MAGI1: variants seen among roughly 807,000 people sequenced by gnomAD.
MAGI1 encodes the protein membrane-associated guanylate kinase, WW and PDZ domain-containing protein 1.
Under a neutral mutation model 139.9 loss-of-function variants are expected in MAGI1, and 58 were observed. That is an observed-to-expected ratio of 0.41 (90% confidence interval 0.34 to 0.52). MAGI1 has a LOEUF of 0.52. Among genes scored for constraint, MAGI1 ranks in the 20% least tolerant of loss-of-function variants. The pLI is 0.12. For synonymous variants in MAGI1, 812 were observed against 737.9 expected (o/e 1.10, Z -1.63); for missense variants, 1,874 against 1,901.6 (o/e 0.99, Z 0.27).
chr3:66,035,399 A>G (rs545395440), intron 1 of MAGI1, among the ~76,000 whole-genome samples: 1 of 152,336 alleles, frequency 6.6e-6, no homozygotes, highest in South Asian at 2.1e-4. Flanking sequence ...CCATATACCA[A>G]GTATGAGCCT....
In MAGI1 at chr3:65,430,739, G is replaced by C; in HGVS notation, c.1506C>G (p.Val502=). Reference sequence around the variant, plus strand: ...CATCCAATGCAGCAGGACCATCTAGGACCAAGCTCTTGATCTGGAGAAACT... The same window carrying C: ...CATCCAATGCAGCAGGACCATCTAGCACCAAGCTCTTGATCTGGAGAAACT... ...PDEFLQIKSL[V]LDGPAALDGK... is the part of the protein sequence containing the mutation. The change falls in exon 11 of 23, where the codon GTC becomes GTG. Residue 502 remains valine, a synonymous_variant. Coordinates refer to ENST00000402939, the MANE Select transcript of MAGI1 (RefSeq NM_001033057.2). The C allele has an allele frequency of 6.2e-7, 1 of 1,613,540 alleles. No individual in the cohort carries two copies. The highest frequency in any genetic ancestry group is 8.5e-7 in the Non-Finnish European group (1 of 1,179,744).
At chr3:65,431,029 T>C (rs146684094) in intron 10 of MAGI1, 148 bp from the exon 11 acceptor site, 6 of 747,264 alleles carry the variant, frequency 8.0e-6, no homozygotes, top group Admixed American at 5.5e-5. Context: ...CTCTCTTAAT[T>C]TGAGGAATAA....
At chr3:65,365,864 T>C (rs1941373805) in intron 18 of MAGI1, among the ~76,000 whole-genome samples, 2 of 152,200 alleles carry the variant, frequency 1.3e-5, no homozygotes, top group African/African-American at 4.8e-5. Flanking sequence ...TGTTAACTAT[T>C]CCAAACTGAG....
chr3:65,593,026 T>C (rs1328733786), intron 2 of MAGI1, among the ~76,000 whole-genome samples: 1 of 152,116 alleles, frequency 6.6e-6, no homozygotes, highest in African/African-American at 2.4e-5. Context: ...TCAAATATTA[T>C]AAGTTATTCT....
intron 1 of MAGI1, among the ~76,000 whole-genome samples, chr3:65,672,210 A>G (rs1356656026): frequency 6.6e-6 from 1 of 152,228 alleles, no homozygotes; most frequent in African/African-American, 2.4e-5. Context: ...TCATTTAAGA[A>G]GCAAAATGCA....
chr3:65,695,446 C>A (rs1324995403), intron 1 of MAGI1, among the ~76,000 whole-genome samples: 2 of 152,198 alleles, frequency 1.3e-5, no homozygotes, highest in African/African-American at 4.8e-5. Flanking sequence ...GTCCTCCTAG[C>A]TCCAGGGACC....
intron 1 of MAGI1, among the ~76,000 whole-genome samples, chr3:65,716,310 C>T (rs1232644963): frequency 6.6e-6 from 1 of 152,184 alleles, no homozygotes; most frequent in Admixed American, 6.5e-5. Context: ...TTAGAAAACA[C>T]ACAGACCTCA....
At chr3:65,602,596 A>T (rs1374095625) in intron 2 of MAGI1, among the ~76,000 whole-genome samples, 2 of 152,178 alleles carry the variant, frequency 1.3e-5, no homozygotes, top group Non-Finnish European at 2.9e-5. Context: ...TCGGGGTGAT[A>T]AAAACATTCT....
chr3:65,602,625 T>C (rs1423623409), intron 2 of MAGI1, among the ~76,000 whole-genome samples: 1 of 152,146 alleles, frequency 6.6e-6, no homozygotes, highest in Admixed American at 6.5e-5. Context: ...GTGGTGACAG[T>C]TGTACACCTT....
chr3:65,745,672 A>G (rs937015647), intron 1 of MAGI1, among the ~76,000 whole-genome samples: 1 of 152,228 alleles, frequency 6.6e-6, no homozygotes, highest in African/African-American at 2.4e-5. Context: ...CATATGTTTA[A>G]TCAATTATTT....
intron 1 of MAGI1, among the ~76,000 whole-genome samples, chr3:65,789,230 G>A (rs2039597358): frequency 6.6e-6 from 1 of 152,112 alleles, no homozygotes; most frequent in African/African-American, 2.4e-5. Flanking sequence ...AAAATGTCCA[G>A]TCAGTGGGGA....
chr3:65,468,030 C>T (rs113530799), intron 5 of MAGI1, among the ~76,000 whole-genome samples: 2 of 152,264 alleles, frequency 1.3e-5, no homozygotes, highest in African/African-American at 4.8e-5. Context: ...CTAATTCTTA[C>T]AACAGTCTGA....
At chr3:65,431,040 G>C (rs1173187436) in intron 10 of MAGI1, among the ~76,000 whole-genome samples, 159 bp from the exon 11 acceptor site, 1 of 152,142 alleles carries the variant, frequency 6.6e-6, no homozygotes, top group Admixed American at 6.5e-5. Flanking sequence ...TGAGGAATAA[G>C]GATGTTCCTA....
intron 1 of MAGI1, among the ~76,000 whole-genome samples, chr3:66,027,415 C>T (rs996179762): frequency 6.6e-6 from 1 of 152,146 alleles, no homozygotes; most frequent in Non-Finnish European, 1.5e-5. Flanking sequence ...GCAATCCTCC[C>T]ACCACAGCCT....
intron 1 of MAGI1, among the ~76,000 whole-genome samples, chr3:65,662,895 G>C (rs2107401212): frequency 6.6e-6 from 1 of 152,242 alleles, no homozygotes; most frequent in South Asian, 2.1e-4. Flanking sequence ...TCTGCTGGTA[G>C]ACAGGTTTTG....
At chr3:65,570,751 A>C (rs762675364) in intron 2 of MAGI1, among the ~76,000 whole-genome samples, 16 of 152,194 alleles carry the variant, frequency 1.1e-4, no homozygotes, top group Non-Finnish European at 1.6e-4. Context: ...CATTCTTTTG[A>C]CTTATGTGGA....
chr3:65,456,244 C>G (rs945282208), intron 5 of MAGI1, among the ~76,000 whole-genome samples: 7 of 152,168 alleles, frequency 4.6e-5, no homozygotes, highest in Admixed American at 3.9e-4. Context: ...TTCCATTTCC[C>G]TAGAGCTAAC....
chr3:65,973,452 C>T (rs1465163039), intron 1 of MAGI1, among the ~76,000 whole-genome samples: 1 of 152,120 alleles, frequency 6.6e-6, no homozygotes. Flanking sequence ...TACTCTGATA[C>T]AAATTTGGCC....
Position 65,478,943 on chromosome 3 carries a change from G to A in MAGI1, c.551-145C>T, listed in dbSNP as rs1951072544. The A allele has an allele frequency of 4.6e-6, 3 of 645,894 alleles. No individual in the cohort carries two copies. The South Asian group carries it at 5.8e-5, about 12-fold the overall frequency. 40.0% of individuals were successfully genotyped at this position (645,894 alleles called of 1,614,324 possible). A position where few individuals can be genotyped will look rare whatever the true frequency, so the allele number is the denominator to read the frequency against. ...AAACTGTATTTTATTTCTGGAGTGG[G>A]TTAGAAGAGATATCTTTCCTATCCA... On this transcript the variant is annotated intron_variant, in intron 3 of 22. Transcript: ENST00000402939.
Sources: gnomAD v4.1 joint callset for allele counts (sites outside exome capture counted in the v4.1 genomes callset) on GRCh38, gnomAD v4.1.1 for gene constraint, MANE v1.5 for transcripts, NCBI Gene and HGNC (gene_info 2026-07-23, HGNC 2026-07-21) for gene names.